The following PPP1R9A variants were observed in gnomAD, a reference collection of about 807,000 sequenced individuals.
PPP1R9A encodes the protein protein phosphatase 1 regulatory subunit 9A, also known as neurabin-1.
PPP1R9A carries 59 observed loss-of-function variants against 141.9 expected under a neutral mutation model. That is an observed-to-expected ratio of 0.42 (90% CI 0.34 to 0.52). The LOEUF (loss-of-function observed/expected upper bound fraction) is 0.52. Ranked by LOEUF, PPP1R9A falls within the 20% of genes least tolerant of loss-of-function variation. PPP1R9A has a pLI of 0.10. For missense variants in PPP1R9A, 1,444 were observed against 1,611.9 expected (o/e 0.90, Z 1.78); for synonymous variants, 500 against 569.7 (o/e 0.88, Z 1.74).
intron 2 of PPP1R9A, among the ~76,000 whole-genome samples, chr7:95,061,696 A>G (rs1162674800): frequency 1.3e-5 from 2 of 152,142 alleles, no homozygotes; most frequent in African/African-American, 4.8e-5. Flanking sequence ...TGATTGTGCC[A>G]CTGCCCTCCA....
chr7:95,250,166 T>C lies in PPP1R9A; in HGVS notation c.2307T>C (p.Asn769=), dbSNP rs751724582. ...IEAQTLCHTV[N]EHLKETQSQY... Reference sequence around the variant, plus strand: ...CCCAAACATTATGCCACACAGTGAATGAGCATCTCAAAGAGACTCAAAGCC... The same window carrying C: ...CCCAAACATTATGCCACACAGTGAACGAGCATCTCAAAGAGACTCAAAGCC... The change falls in exon 10 of 20, where the codon AAT becomes AAC. Residue 769 remains asparagine, a synonymous_variant. Coordinates refer to ENST00000433360, the MANE Select transcript of PPP1R9A (RefSeq NM_001166160.2). The C allele has an allele frequency of 9.9e-6, 16 of 1,613,826 alleles. No homozygotes were observed. The South Asian group carries it at 1.6e-4, about 17-fold the overall frequency.
intron 7 of PPP1R9A, among the ~76,000 whole-genome samples, chr7:95,215,471 C>T (rs1229559396): frequency 1.3e-5 from 2 of 152,156 alleles, no homozygotes; most frequent in Middle Eastern, 3.4e-3. Context: ...ATTTATAATC[C>T]TTTGGGTATA....
At chr7:95,258,146 G>A (rs1376562709) in intron 12 of PPP1R9A, among the ~76,000 whole-genome samples, 2 of 152,028 alleles carry the variant, frequency 1.3e-5, no homozygotes, top group East Asian at 3.9e-4. Flanking sequence ...GTGTAAAAGT[G>A]TTCCTATTTC....
intron 8 of PPP1R9A, among the ~76,000 whole-genome samples, chr7:95,234,438 G>GA (rs1365531379): frequency 8.6e-5 from 13 of 151,778 alleles, no homozygotes; most frequent in Non-Finnish European, 1.6e-4. Flanking sequence ...TAGCTGCAAA[G>GA]AAAAATAAAA....
chr7:95,209,774 T>G, intron 7 of PPP1R9A, among the ~76,000 whole-genome samples: 1 of 152,182 alleles, frequency 6.6e-6, no homozygotes, highest in East Asian at 1.9e-4. Flanking sequence ...ACGAATCAAT[T>G]TTTATATAAA....
rs546473554 is a variant in PPP1R9A at position 95,164,055 on chromosome 7, T to A, written c.1754+2084T>A. Among the ~76,000 whole-genome samples, 3 of 152,302 alleles carry A rather than the reference T, an allele frequency of 2.0e-5. No individual in the cohort carries two copies. In the South Asian group the frequency reaches 6.2e-4, roughly 32 times the overall value. ...GCCTGGCCCCATGTGCAGGTTTTTG[T>A]GTGGACATAAGTTTTCTACTGGGTA... On this transcript the variant is annotated intron_variant, in intron 5 of 19. Transcript: ENST00000433360.
intron 3 of PPP1R9A, among the ~76,000 whole-genome samples, chr7:95,117,700 GA>G (rs1821759987): frequency 6.6e-6 from 1 of 152,178 alleles, no homozygotes; most frequent in Non-Finnish European, 1.5e-5. Context: ...TCACATTTGA[GA>G]GGAGCCTTTT....
chr7:95,048,240 G>C (rs1448106334), intron 2 of PPP1R9A, among the ~76,000 whole-genome samples: 2 of 152,016 alleles, frequency 1.3e-5, no homozygotes, highest in African/African-American at 4.8e-5. Flanking sequence ...CTAATTTATG[G>C]CTTCTTGTAA....
At chr7:95,067,386 A>G (rs143684859) in intron 2 of PPP1R9A, among the ~76,000 whole-genome samples, 73 of 152,316 alleles carry the variant, frequency 4.8e-4, no homozygotes, top group African/African-American at 1.7e-3. Context: ...AGGAAAACAA[A>G]CAAGCATGAA....
At chr7:94,971,986 A>G (rs1798903626) in intron 2 of PPP1R9A, among the ~76,000 whole-genome samples, 1 of 152,178 alleles carries the variant, frequency 6.6e-6, no homozygotes, top group African/African-American at 2.4e-5. Context: ...TATGCAATTT[A>G]TTTACATACT....
intron 2 of PPP1R9A, among the ~76,000 whole-genome samples, chr7:94,944,055 G>A (rs1480006024): frequency 2.0e-5 from 3 of 151,870 alleles, no homozygotes; most frequent in African/African-American, 7.3e-5. Flanking sequence ...TACATTTTGG[G>A]GGTATATGTG....
intron 7 of PPP1R9A, among the ~76,000 whole-genome samples, chr7:95,209,017 G>A (rs2152903046): frequency 1.4e-5 from 2 of 139,582 alleles, no homozygotes; most frequent in South Asian, 4.5e-4. Context: ...AGAAGAGTAA[G>A]CAACTGAAAT....
chr7:95,119,842 T>G (rs1822206488), intron 3 of PPP1R9A, among the ~76,000 whole-genome samples: 1 of 152,000 alleles, frequency 6.6e-6, no homozygotes, highest in South Asian at 2.1e-4. Context: ...ACAAGCTATA[T>G]ATACATATAT....
intron 2 of PPP1R9A, among the ~76,000 whole-genome samples, chr7:95,101,625 A>G (rs371024679): frequency 1.4e-4 from 21 of 152,204 alleles, no homozygotes. Flanking sequence ...CCAAGGCAAC[A>G]AAGGGTAAAG....
intron 14 of PPP1R9A, among the ~76,000 whole-genome samples, chr7:95,271,599 C>CCATT (rs1802185971): frequency 6.6e-6 from 1 of 152,068 alleles, no homozygotes; most frequent in Admixed American, 6.5e-5. Flanking sequence ...TTGGGAGTCC[C>CCATT]CATTATAAAG....
At chr7:94,926,193 A>AC (rs1793463630) in intron 2 of PPP1R9A, among the ~76,000 whole-genome samples, 1 of 152,168 alleles carries the variant, frequency 6.6e-6, no homozygotes, top group African/African-American at 2.4e-5. Flanking sequence ...AGCAGTTACA[A>AC]ATGAAAGCTG....
chr7:95,264,339 G>A (rs900887278), intron 12 of PPP1R9A, among the ~76,000 whole-genome samples: 2 of 152,100 alleles, frequency 1.3e-5, no homozygotes, highest in African/African-American at 2.4e-5. Context: ...ACGTAACTGC[G>A]GAGCAGACCC....
intron 8 of PPP1R9A, among the ~76,000 whole-genome samples, chr7:95,239,852 A>G (rs1349191807): frequency 1.3e-5 from 2 of 151,672 alleles, no homozygotes; most frequent in African/African-American, 2.4e-5. Flanking sequence ...TCAAATAATC[A>G]TTTGAATGTT....
At chr7:95,064,584 C>G (rs931283464) in intron 2 of PPP1R9A, among the ~76,000 whole-genome samples, 1 of 152,182 alleles carries the variant, frequency 6.6e-6, no homozygotes, top group Admixed American at 6.5e-5. Context: ...CTTATTTGAC[C>G]TCAGCTGGGA....
Sources: allele counts gnomAD v4.1 joint callset (sites outside exome capture counted in the v4.1 genomes callset), GRCh38; gene constraint gnomAD v4.1.1; transcripts MANE v1.5; gene names NCBI Gene and HGNC (gene_info 2026-07-23, HGNC 2026-07-21).